The following RALGPS2 variants were observed in gnomAD, a reference collection of about 807,000 sequenced individuals.
RALGPS2 encodes ras-specific guanine nucleotide-releasing factor RalGPS2.
RALGPS2 carries 43 observed loss-of-function variants against 86.8 expected under a neutral mutation model. That is an observed-to-expected ratio of 0.50 (90% confidence interval 0.39 to 0.64). The LOEUF (loss-of-function observed/expected upper bound fraction) is 0.64, where lower values mean the gene tolerates loss of function less well. RALGPS2 is among the 30% of genes least tolerant of loss of function. The probability of loss-of-function intolerance (pLI) is 0.00; values close to 1 mark genes in which losing one functional copy is unlikely to be tolerated. For synonymous variants in RALGPS2, 243 were observed against 231.3 expected, an observed-to-expected ratio of 1.05 and a Z score of -0.46; for missense variants, 536 against 694.6, an observed-to-expected ratio of 0.77 and a Z score of 2.57.
At chr1:178,898,564 G>A (rs926656896) in intron 17 of RALGPS2, among the ~76,000 whole-genome samples, 1 of 151,884 alleles carries the variant, frequency 6.6e-6, no homozygotes, top group Non-Finnish European at 1.5e-5. Flanking sequence ...CCGTAAGATA[G>A]CATTGCCTTT....
chr1:178,775,921 A>C (rs1029261632), intron 1 of RALGPS2, among the ~76,000 whole-genome samples: 1 of 124,300 alleles, frequency 8.0e-6, no homozygotes, highest in African/African-American at 3.2e-5. Flanking sequence ...TACTTGGGGC[A>C]AAAAAAAAAA....
chr1:178,879,932 A>G (rs1659168709), intron 10 of RALGPS2: 1 of 152,078 alleles, frequency 6.6e-6, no homozygotes, highest in African/African-American at 2.4e-5. Context: ...TCGTTGATAC[A>G]GTTTACATCA....
rs967937341 is a variant in RALGPS2 at position 178,902,115 on chromosome 1, A to G, written c.1534A>G (p.Thr512Ala). 19 of 1,610,984 alleles carry G rather than the reference A, an allele frequency of 1.2e-5. No individual in the cohort carries two copies. In the Admixed American group the frequency reaches 1.5e-4, roughly 13 times the overall value. ...KATERKHFKS[T>A]SNKNVSVIGW... is the part of the protein sequence containing the mutation. Reference sequence around the variant, plus strand: ...TCTTTTTTTCTCTCAGTTCAAATCAACATCCAATAAGAACGTATCTGTGAT... The same window carrying G: ...TCTTTTTTTCTCTCAGTTCAAATCAGCATCCAATAAGAACGTATCTGTGAT... The change falls in exon 18 of 20, where the codon ACA becomes GCA. Residue 512 changes from threonine to alanine, a missense_variant. Coordinates refer to ENST00000367635, the MANE Select transcript of RALGPS2 (RefSeq NM_152663.5).
chr1:178,826,107 T>C (rs537566713), intron 7 of RALGPS2, among the ~76,000 whole-genome samples: 56 of 152,336 alleles, frequency 3.7e-4, no homozygotes, highest in African/African-American at 1.3e-3. Context: ...GGGATGGTTT[T>C]GTTTTGTTTT....
intron 3 of RALGPS2, 38 bp downstream of exon 3, chr1:178,784,560 T>TATGTA: frequency 6.9e-7 from 1 of 1,453,960 alleles, no homozygotes; most frequent in Non-Finnish European, 9.4e-7. Context: ...GTTTTGCACA[T>TATGTA]AATTTACATA....
In RALGPS2 at chr1:178,897,757, G is replaced by T; in HGVS notation, c.1524+1G>T. The T allele has an allele frequency of 2.5e-6, 4 of 1,604,806 alleles. No homozygotes were observed. Among genetic ancestry groups the T allele is most frequent in the Non-Finnish European group, 3.4e-6 (4 of 1,172,166 alleles). On this transcript the variant is annotated splice_donor_variant, in intron 17 of 19. Transcript: ENST00000367635. LOFTEE classifies it high-confidence loss of function. ...TCTAAAGGCTACCGAAAGAAAACAT[G>T]TAAGTATTTGTTCTCTACATTTTTA...
At chr1:178,887,304 G>A (rs1402189333) in intron 13 of RALGPS2, among the ~76,000 whole-genome samples, 1 of 151,852 alleles carries the variant, frequency 6.6e-6, no homozygotes, top group Non-Finnish European at 1.5e-5. Context: ...AATACAAAAA[G>A]TAGCAGGGCG....
chr1:178,903,281 G>A (rs1264436487), intron 18 of RALGPS2, among the ~76,000 whole-genome samples: 1 of 152,072 alleles, frequency 6.6e-6, no homozygotes, highest in East Asian at 1.9e-4. Flanking sequence ...TTGGAGGCAG[G>A]AAAAAATAAT....
intron 8 of RALGPS2, among the ~76,000 whole-genome samples, chr1:178,846,799 G>A (rs1293956031): frequency 3.3e-5 from 5 of 152,090 alleles, no homozygotes; most frequent in Admixed American, 2.0e-4. Context: ...TCAGTGATTT[G>A]TTTTGTAATT....
chr1:178,832,787 T>G (rs1479422405), intron 7 of RALGPS2, among the ~76,000 whole-genome samples: 3 of 151,948 alleles, frequency 2.0e-5, no homozygotes, highest in African/African-American at 7.2e-5. Context: ...TTGCTTTTTT[T>G]TTTTTCAACT....
At chr1:178,765,357 A>T (rs1223383745) in intron 1 of RALGPS2, among the ~76,000 whole-genome samples, 1 of 152,188 alleles carries the variant, frequency 6.6e-6, no homozygotes, top group East Asian at 1.9e-4. Flanking sequence ...GAGACTTCAC[A>T]TGTCGGCAGG....
chr1:178,809,902 C>T lies in RALGPS2; in HGVS notation c.298-1413C>T, dbSNP rs79878991. 1.1e-3 allele frequency among the ~76,000 whole-genome samples: 162 copies of T among 152,198 alleles called. 1 individual carries two copies. In the East Asian group the frequency reaches 0.026, roughly 24 times the overall value. Reference sequence around the variant, plus strand: ...CCCAGATTCAGTAAGAAGTGATATACGTCCTAACTTTTGATAGAGAGTGAC... The same window carrying T: ...CCCAGATTCAGTAAGAAGTGATATATGTCCTAACTTTTGATAGAGAGTGAC... On this transcript the variant is annotated intron_variant, in intron 5 of 19. Transcript: ENST00000367635.
chr1:178,892,447 T>G (rs1203903993), intron 15 of RALGPS2, 140 bp downstream of exon 15: 1 of 687,728 alleles, frequency 1.5e-6, no homozygotes, highest in Non-Finnish European at 2.5e-6. Context: ...AGAAAAACTT[T>G]CTTTCCAAGA....
At chr1:178,906,893 A>G (rs1268028460) in intron 19 of RALGPS2, 26 bp downstream of exon 19, 2 of 1,597,884 alleles carry the variant, frequency 1.3e-6, no homozygotes, top group African/African-American at 2.7e-5. Context: ...AATTCTCAGA[A>G]TAGTCCATAA....
intron 8 of RALGPS2, chr1:178,853,554 G>A (rs1657324835): frequency 7.0e-7 from 1 of 1,431,708 alleles, no homozygotes; most frequent in African/African-American, 1.5e-5. Flanking sequence ...TGCAAGAATG[G>A]ATTTGTTTTA....
chr1:178,874,754 A>G (rs1231148767), intron 8 of RALGPS2, among the ~76,000 whole-genome samples: 1 of 152,088 alleles, frequency 6.6e-6, no homozygotes, highest in African/African-American at 2.4e-5. Flanking sequence ...ACAAATGTTT[A>G]TTATGTTGTT....
intron 15 of RALGPS2, among the ~76,000 whole-genome samples, chr1:178,893,529 A>T (rs1243253762): frequency 6.6e-6 from 1 of 150,720 alleles, no homozygotes; most frequent in Non-Finnish European, 1.5e-5. Flanking sequence ...TAGAATCCTC[A>T]TTTTTCCTAC....
At chr1:178,822,851 T>G (rs994168577) in intron 7 of RALGPS2, among the ~76,000 whole-genome samples, 1 of 152,168 alleles carries the variant, frequency 6.6e-6, no homozygotes, top group Non-Finnish European at 1.5e-5. Context: ...AATTCTATTT[T>G]TATTTTTTGC....
intron 18 of RALGPS2, among the ~76,000 whole-genome samples, chr1:178,905,243 G>A (rs1005146041): frequency 1.2e-4 from 19 of 152,280 alleles, no homozygotes; most frequent in Admixed American, 7.8e-4. Flanking sequence ...CATAATTCAC[G>A]AAATTACATT....
Sources: allele counts gnomAD v4.1 joint callset (sites outside exome capture counted in the v4.1 genomes callset), GRCh38; gene constraint gnomAD v4.1.1; transcripts MANE v1.5; gene names NCBI Gene and HGNC (gene_info 2026-07-23, HGNC 2026-07-21).